Variants in PUS10 observed in about 807,000 individuals in gnomAD.
The protein encoded by PUS10 is tRNA pseudouridine synthase Pus10.
Under a neutral mutation model 75.0 loss-of-function variants are expected in PUS10, and 59 were observed. The ratio of observed to expected loss-of-function variants is 0.79; its 90% CI spans 0.64 to 0.98. PUS10 has a LOEUF of 0.98. Among genes scored for constraint, PUS10 ranks in the 50% least tolerant of loss-of-function variants. PUS10 has a pLI of 0.00. For synonymous variants in PUS10, 219 were observed against 211.6 expected (o/e 1.03, Z -0.30); for missense variants, 650 against 614.4 (o/e 1.06, Z -0.61).
intron 4 of PUS10, among the ~76,000 whole-genome samples, chr2:60,985,909 C>A (rs1300132260): frequency 8.5e-6 from 1 of 118,306 alleles, no homozygotes; most frequent in East Asian, 2.5e-4. Flanking sequence ...AAGATTAGAA[C>A]ACTTGTTATA....
intron 16 of PUS10, among the ~76,000 whole-genome samples, chr2:60,947,828 CA>C (rs890632119): frequency 0.03 from 1,379 of 46,072 alleles, 9 homozygotes; most frequent in African/African-American, 0.099. Context: ...GACTCTGCCT[CA>C]AAAAAAAAAA....
intron 4 of PUS10, among the ~76,000 whole-genome samples, chr2:60,982,542 C>T (rs974981544): frequency 2.6e-5 from 4 of 151,966 alleles, no homozygotes; most frequent in Admixed American, 6.6e-5. Context: ...GGATTACAGG[C>T]GTGAGCCACC....
intron 16 of PUS10, among the ~76,000 whole-genome samples, chr2:60,945,482 TAATG>T (rs753064475): frequency 1.3e-5 from 2 of 152,256 alleles, no homozygotes; most frequent in Non-Finnish European, 2.9e-5. Context: ...ATTTTTTTAA[TAATG>T]GCAACTGTCA....
Position 60,961,716 on chromosome 2 carries a change from T to C in PUS10, c.789-168A>G, listed in dbSNP as rs182996866. Among the ~76,000 whole-genome samples the C allele has an allele frequency of 4.1e-4, 62 of 152,346 alleles. No individual in the cohort carries two copies. The East Asian group carries it at 9.1e-3, about 22-fold the overall frequency. ...GGCCTGTGGAGTAACAATTTTAACA[T>C]ATGAGAGTGGCACTAAGTAAATAAG... On this transcript the variant is annotated intron_variant, in intron 9 of 17. Coordinates refer to ENST00000316752, the MANE Select transcript of PUS10 (RefSeq NM_144709.4).
Position 61,018,172 on chromosome 2 carries a change from C to G in PUS10, c.-180G>C, listed in dbSNP as rs1470957863. The G allele has an allele frequency of 1.3e-6, 2 of 1,550,764 alleles. No individual in the cohort carries two copies. The highest frequency in any genetic ancestry group is 1.7e-6 in the Non-Finnish European group (2 of 1,146,860). ...TTTTCACTTTGACAGAATGGCTTCT[C>G]TATCTTTAAAGCGTAGACTTTGGTC... On this transcript the variant is annotated 5_prime_UTR_variant, in exon 1 of 18. Transcript: ENST00000316752.
In PUS10 at chr2:60,965,437, C is replaced by T; in HGVS notation, c.663G>A (p.Glu221=). 6.2e-7 allele frequency: 1 copy of T among 1,611,722 alleles called. No homozygotes were observed. The highest frequency in any genetic ancestry group is 1.3e-5 in the African/African-American group (1 of 74,908). Residue 221 remains glutamate (E), a synonymous_variant, in exon 7 of 18, where the codon GAG becomes GAA. Coordinates refer to ENST00000316752, the MANE Select transcript of PUS10 (RefSeq NM_144709.4). ...TGGCAACTTACAGGAAGTGGCAATC[C>T]TCAACTGTTTCTGGGTGAGCAAAGA... ...SVVFAHPETV[E]DCHFLAAICP...
In PUS10 at chr2:61,006,618, C is replaced by T. The variant is rs1228405478; in HGVS notation, c.407G>A (p.Gly136Glu). 6 of 1,612,902 alleles carry T rather than the reference C, an allele frequency of 3.7e-6. No individual in the cohort carries two copies. The highest frequency in any genetic ancestry group is 5.1e-6 in the Non-Finnish European group (6 of 1,179,554). The change falls in exon 4 of 18, where the codon GGG (glycine) becomes GAG (glutamate). Residue 136 changes from glycine to glutamate, a missense_variant. Transcript: ENST00000316752. ...KKVCQKVEAS[G>E]FEFTSLVFSV... ...AAATACCAAGCTGGTGAATTCAAAC[C>T]CAGAGGCCTCAACCTTTTGGCACAC...
At chr2:60,995,086 T>C (rs187376047) in intron 4 of PUS10, among the ~76,000 whole-genome samples, 15 of 152,086 alleles carry the variant, frequency 9.9e-5, no homozygotes, top group Non-Finnish European at 1.8e-4. Context: ...TGAAACTCTG[T>C]CTCAAAAAAA....
intron 8 of PUS10, among the ~76,000 whole-genome samples, chr2:60,963,729 G>C (rs1398314515): frequency 2.0e-5 from 3 of 151,926 alleles, no homozygotes; most frequent in Non-Finnish European, 4.4e-5. Flanking sequence ...GTGCCTGTTT[G>C]ATAAGATATG....
chr2:61,001,747 A>G (rs1268612440), intron 4 of PUS10, among the ~76,000 whole-genome samples: 1 of 152,232 alleles, frequency 6.6e-6, no homozygotes, highest in African/African-American at 2.4e-5. Context: ...GCCTTTGTGT[A>G]AAAACAGAGG....
rs766852592 is a variant in PUS10 at position 60,961,512 on chromosome 2, T to C, written c.825A>G (p.Val275=). The change falls in exon 10 of 18, where the codon GTA becomes GTG. Residue 275 remains valine, a synonymous_variant. Coordinates refer to ENST00000316752, the MANE Select transcript of PUS10 (RefSeq NM_144709.4). ...CACATTCAATTTCAAGAACAGCGCATACAGCCTTTGGTGAGTTTGGAGGAC... is the reference window on the plus strand; with the variant it reads ...CACATTCAATTTCAAGAACAGCGCACACAGCCTTTGGTGAGTTTGGAGGAC... ...FPCPPNSPKA[V]CAVLEIECAH... is the part of the protein sequence containing the mutation. The C allele has an allele frequency of 6.2e-7, 1 of 1,614,042 alleles. No homozygotes were observed. Among genetic ancestry groups the C allele is most frequent in the Non-Finnish European group, 8.5e-7 (1 of 1,180,002 alleles).
chr2:60,959,830 A>G (rs1675906019), intron 11 of PUS10, among the ~76,000 whole-genome samples: 1 of 152,184 alleles, frequency 6.6e-6, no homozygotes, highest in African/African-American at 2.4e-5. Flanking sequence ...AGTGATTAAC[A>G]AAATATAGAA....
chr2:60,971,603 T>A (rs1304816521), intron 4 of PUS10, 46 bp from the exon 5 acceptor site: 2 of 1,575,226 alleles, frequency 1.3e-6, no homozygotes, highest in Non-Finnish European at 1.7e-6. Flanking sequence ...GGGGGAAACA[T>A]GTTCAGTGAA....
In PUS10 at chr2:60,942,223, A is replaced by G; in HGVS notation, c.*172T>C. 1 of 620,536 alleles carries G rather than the reference A, an allele frequency of 1.6e-6. No homozygotes were observed. Among genetic ancestry groups the G allele is most frequent in the African/African-American group, 1.8e-5 (1 of 54,540 alleles). 38.4% of individuals were successfully genotyped at this position (620,536 alleles called of 1,614,324 possible). Reference sequence around the variant, plus strand: ...TGGAACAATTTAACACAAAATATACACATATATAGATCCTGAGATGTTACA... The same window carrying G: ...TGGAACAATTTAACACAAAATATACGCATATATAGATCCTGAGATGTTACA... On this transcript the variant is annotated 3_prime_UTR_variant, in exon 18 of 18. Coordinates refer to ENST00000316752, the MANE Select transcript of PUS10 (RefSeq NM_144709.4).
chr2:61,017,728 G>A (rs1168460673), intron 1 of PUS10: 5 of 1,532,998 alleles, frequency 3.3e-6, no homozygotes, highest in Non-Finnish European at 4.4e-6. Flanking sequence ...ACAGTCAGGG[G>A]TAGGAGCGGG....
chr2:60,944,397 C>T (rs1165845667), intron 17 of PUS10: 2 of 214,082 alleles, frequency 9.3e-6, no homozygotes, highest in Admixed American at 6.5e-5. Flanking sequence ...GTACAAATCC[C>T]CAAGTCCTAA....
At chr2:60,961,920 G>C (rs892477693) in intron 9 of PUS10, among the ~76,000 whole-genome samples, 2 of 152,224 alleles carry the variant, frequency 1.3e-5, no homozygotes, top group African/African-American at 4.8e-5. Context: ...GTCATGTGCA[G>C]TTTACTGCTG....
intron 1 of PUS10, among the ~76,000 whole-genome samples, chr2:61,015,275 AT>A (rs1267929284): frequency 2.0e-5 from 3 of 152,028 alleles, no homozygotes; most frequent in Non-Finnish European, 4.4e-5. Context: ...CGAGGCAGGC[AT>A]TATCACTTGA....
At chr2:60,959,023 C>G (rs1675849558) in intron 11 of PUS10, among the ~76,000 whole-genome samples, 2 of 152,206 alleles carry the variant, frequency 1.3e-5, no homozygotes, top group African/African-American at 2.4e-5. Flanking sequence ...TTTGACCTGA[C>G]AGGCCTGTTG....
Sources: gnomAD v4.1 joint callset for allele counts (sites outside exome capture counted in the v4.1 genomes callset) on GRCh38, gnomAD v4.1.1 for gene constraint, MANE v1.5 for transcripts, NCBI Gene and HGNC (gene_info 2026-07-23, HGNC 2026-07-21) for gene names.